The following GOT1L1 variants were observed in gnomAD, a reference collection of about 807,000 sequenced individuals.
The protein encoded by GOT1L1 is glutamic-oxaloacetic transaminase 1 like 1.
GOT1L1 carries 38 observed loss-of-function variants against 43.6 expected under a neutral mutation model. That is an observed-to-expected ratio of 0.87 (90% confidence interval 0.67 to 1.14). GOT1L1 has a LOEUF of 1.14. Among genes scored for constraint, GOT1L1 ranks in the 50% most tolerant of loss-of-function variants. The pLI is 0.00. For missense variants in GOT1L1, 482 were observed against 504.0 expected, an observed-to-expected ratio of 0.96 and a Z score of 0.42; for synonymous variants, 183 against 187.2, an observed-to-expected ratio of 0.98 and a Z score of 0.18.
intron 1 of GOT1L1, 164 bp from the exon 2 acceptor site, chr8:37,939,045 A>G (rs1305928017): frequency 1.6e-6 from 1 of 620,744 alleles, no homozygotes; most frequent in Admixed American, 2.7e-5. Flanking sequence ...GATGAAAAGA[A>G]TATGCTGTTA....
chr8:37,935,300 C>T (rs1468040236), intron 7 of GOT1L1, 85 bp from the exon 8 acceptor site: 1 of 1,309,342 alleles, frequency 7.6e-7, no homozygotes, highest in South Asian at 1.5e-5. Flanking sequence ...CTCTTCTTAC[C>T]TTCAAAGGTC....
At position 37,937,063 on chromosome 8, in the gene GOT1L1, G is replaced by C. The variant is rs1355551790; in HGVS notation, c.520-6C>G. On this transcript the variant is annotated splice_region_variant and splice_polypyrimidine_tract_variant and intron_variant, in intron 4 of 8. Coordinates refer to ENST00000307599, the MANE Select transcript of GOT1L1 (RefSeq NM_152413.3). ...ACACAGCCATGTGGGATCTGCTGCA[G>C]GTACAGACGGTCTCATCAGGCTTCA... 2 of 1,612,916 alleles carry C rather than the reference G, an allele frequency of 1.2e-6. No homozygotes were observed. Among genetic ancestry groups the C allele is most frequent in the Non-Finnish European group, 1.7e-6 (2 of 1,179,428 alleles).
chr8:37,937,966 G>A (rs1001292831), intron 2 of GOT1L1, among the ~76,000 whole-genome samples: 17 of 152,138 alleles, frequency 1.1e-4, no homozygotes, highest in African/African-American at 1.7e-4. Context: ...ACTTGAACCC[G>A]GAAGGCGGAA....
chr8:37,936,600 A>T (rs1807762881), intron 6 of GOT1L1, 120 bp downstream of exon 6: 2 of 865,526 alleles, frequency 2.3e-6, no homozygotes, highest in Non-Finnish European at 3.6e-6. Context: ...TTCTGCTTCT[A>T]TAGTGCTCTC....
chr8:37,935,251 G>A (rs757094102), intron 7 of GOT1L1, 36 bp from the exon 8 acceptor site: 2 of 1,548,102 alleles, frequency 1.3e-6, no homozygotes, highest in East Asian at 4.8e-5. Context: ...GAGGGTGTGA[G>A]GTCCCCCTTG....
At position 37,939,429 on chromosome 8, in the gene GOT1L1, AAAATATATATATAT is replaced by A. The variant is rs1481181961; in HGVS notation, c.115+472_115+485del. On this transcript the variant is annotated intron_variant, in intron 1 of 8. Transcript: ENST00000307599. ...GCCCTGTCTCAAGAAAAAAAAAAAA[AAAATATATATATAT>A]ATATATATATATATATATATATATA... Among the ~76,000 whole-genome samples the A allele has an allele frequency of 7.2e-4, 38 of 52,758 alleles. 1 individual carries two copies. The Middle Eastern group carries it at 0.02, about 28-fold the overall frequency. 34.6% of individuals were successfully genotyped at this position (52,758 alleles called of 152,430 possible).
At chr8:37,939,661 C>T (rs1362186401) in intron 1 of GOT1L1, among the ~76,000 whole-genome samples, 4 of 151,490 alleles carry the variant, frequency 2.6e-5, no homozygotes, top group African/African-American at 7.3e-5. Flanking sequence ...CATGCAGGCC[C>T]CCAAGCATAG....
At chr8:37,936,481 T>C (rs1807758921) in intron 6 of GOT1L1, among the ~76,000 whole-genome samples, 1 of 151,954 alleles carries the variant, frequency 6.6e-6, no homozygotes, top group Admixed American at 6.6e-5. Context: ...TCTCATCTTA[T>C]AGTTGAGGAA....
At chr8:37,939,769 C>T in intron 1 of GOT1L1, 146 bp downstream of exon 1, 2 of 739,646 alleles carry the variant, frequency 2.7e-6, no homozygotes, top group South Asian at 3.7e-5. Flanking sequence ...GCACTTTTCC[C>T]CACTGGGTAA....
Position 37,935,100 on chromosome 8 carries a change from C to A in GOT1L1, c.1045G>T (p.Gly349Trp), listed in dbSNP as rs776115194. ...TTGAGTCCAAGATAGCCGTGGGTCC[C>A]ACTCTGCTCGGTGATGTGACCCCAG... is the stretch of plus-strand genomic sequence containing the variant. Reference protein sequence around the residue: ...GSWGHITEQSGTHGYLGLNSQ... With the variant: ...GSWGHITEQSWTHGYLGLNSQ... Residue 349 changes from glycine to tryptophan, a missense_variant, in exon 8 of 9, where the codon GGG becomes TGG. Physicochemically the swap from Gly to Trp is radical, Grantham distance 184. Transcript: ENST00000307599. 3 of 1,613,616 alleles carry A rather than the reference C, an allele frequency of 1.9e-6. No individual in the cohort carries two copies. The highest frequency in any genetic ancestry group is 2.7e-5 in the African/African-American group (2 of 74,910).
chr8:37,939,431 A>AAAAAAATATATAT (rs1237987679), intron 1 of GOT1L1, among the ~76,000 whole-genome samples: 1 of 41,712 alleles, frequency 2.4e-5, no homozygotes, highest in African/African-American at 8.6e-5. Context: ...AAAAAAAAAA[A>AAAAAAATATATAT]ATATATATAT....
Position 37,940,008 on chromosome 8 carries a change from T to G in GOT1L1, c.22A>C (p.Met8Leu). Reference sequence around the variant, plus strand: ...AGCTTGTGGGCGAGGGGCACATCCATGAACACTGAAAGGGTGGGCATAACT... The same window carrying G: ...AGCTTGTGGGCGAGGGGCACATCCAGGAACACTGAAAGGGTGGGCATAACT... The part of the protein sequence containing the change: MPTLSVF[M>L]DVPLAHKLEG... Residue 8 changes from methionine (M) to leucine (L), a missense_variant, in exon 1 of 9, where the codon ATG becomes CTG. By Grantham distance (15) the Met-to-Leu change is conservative (BLOSUM62 2). Transcript: ENST00000307599. 1 of 1,613,436 alleles carries G rather than the reference T, an allele frequency of 6.2e-7. No homozygotes were observed. Among genetic ancestry groups the G allele is most frequent in the Non-Finnish European group, 8.5e-7 (1 of 1,179,580 alleles).
At position 37,936,884 on chromosome 8, in the gene GOT1L1, G is replaced by A. The variant is rs778886719; in HGVS notation, c.613-14C>T. 3.7e-6 allele frequency: 6 copies of A among 1,611,580 alleles called. No homozygotes were observed. Among genetic ancestry groups the A allele is most frequent in the South Asian group, 1.1e-5 (1 of 90,976 alleles). ...TATCTGCTTGCTCTGTAGGAGAAAG[G>A]AGAACAAAAAAAGAATGAGACAGAT... is the stretch of plus-strand genomic sequence containing the variant. On this transcript the variant is annotated splice_polypyrimidine_tract_variant and intron_variant, in intron 5 of 8. Transcript: ENST00000307599.
rs764630728 is a variant in GOT1L1 at position 37,938,855 on chromosome 8, A to G, written c.142T>C (p.Trp48Arg). 6.2e-6 allele frequency: 10 copies of G among 1,613,694 alleles called. No individual in the cohort carries two copies. In the Admixed American group the frequency reaches 8.3e-5, roughly 13 times the overall value. Reference protein sequence around the residue: ...RVCMTNEGHPWVSLVVQKTRL... With the variant: ...RVCMTNEGHPRVSLVVQKTRL... ...GTCTTCTGCACCACGAGAGAAACCC[A>G]GGGATGGCCTTCATTTGTCATGCAG... The change falls in exon 2 of 9, where the codon TGG (tryptophan) becomes CGG (arginine). Residue 48 changes from tryptophan to arginine, a missense_variant. Trp to Arg is a moderately radical substitution (Grantham distance 101). Transcript: ENST00000307599.
Position 37,936,792 on chromosome 8 carries a change from A to T in GOT1L1, c.691T>A (p.Leu231Ile). The T allele has an allele frequency of 1.2e-6, 2 of 1,613,204 alleles. No homozygotes were observed. The highest frequency in any genetic ancestry group is 1.7e-6 in the Non-Finnish European group (2 of 1,179,204). The change falls in exon 6 of 9, where the codon TTA becomes ATA. Residue 231 changes from leucine (L) to isoleucine (I), a missense_variant. Leu to Ile is a conservative substitution (Grantham distance 5). Coordinates refer to ENST00000307599, the MANE Select transcript of GOT1L1 (RefSeq NM_152413.3). The stretch of plus-strand genomic sequence containing the variant: ...AAGCCTTGAGACACAAAGTATTGTA[A>T]GATTCTAGTATCTTCTTCCAAGTCA... ...TSDLEEDTRI[L>I]QYFVSQGFEF...
chr8:37,939,457 T>A lies in GOT1L1; in HGVS notation c.115+458A>T, dbSNP rs1288306216. 4.9e-4 allele frequency among the ~76,000 whole-genome samples: 52 copies of A among 105,368 alleles called. 1 individual carries two copies. The highest frequency in any genetic ancestry group is 9.8e-4 in the African/African-American group (25 of 25,592). 69.1% of individuals were successfully genotyped at this position (105,368 alleles called of 152,430 possible). A position where few individuals can be genotyped will look rare whatever the true frequency, so the allele number is the denominator to read the frequency against. On this transcript the variant is annotated intron_variant, in intron 1 of 8. Transcript: ENST00000307599. ...ATATATATATATATATATATATATA[T>A]ATATATATATATATATGCAAAATGA...
intron 2 of GOT1L1, among the ~76,000 whole-genome samples, chr8:37,938,233 C>T (rs1807818751): frequency 1.3e-5 from 2 of 151,998 alleles, no homozygotes; most frequent in African/African-American, 4.8e-5. Flanking sequence ...CCTGTCTCTA[C>T]AAAAAATACA....
chr8:37,936,262 TC>T (rs1384047308), intron 6 of GOT1L1, among the ~76,000 whole-genome samples: 1 of 152,066 alleles, frequency 6.6e-6, no homozygotes, highest in Non-Finnish European at 1.5e-5. Context: ...TCCTCCTGCC[TC>T]AGCCCCCCGG....
rs1251347984 is a variant in GOT1L1, at chr8:37,937,288, T to A, written c.508A>T (p.Asn170Tyr). Residue 170 changes from asparagine (N) to tyrosine (Y), a missense_variant, in exon 4 of 9, where the codon AAT becomes TAT. Physicochemically the swap from Asn to Tyr is moderately radical, Grantham distance 143. Coordinates refer to ENST00000307599, the MANE Select transcript of GOT1L1 (RefSeq NM_152413.3). ...CGGGGCCCCTCTACCTCCACCACATTGAGGAGTATGTCGGGGTCCATGCAT... is the reference window on the plus strand; with the variant it reads ...CGGGGCCCCTCTACCTCCACCACATAGAGGAGTATGTCGGGGTCCATGCAT... ...KLCMDPDILL[N>Y]VVEQIPHGCV... is the part of the protein sequence containing the mutation. The A allele has an allele frequency of 6.3e-7, 1 of 1,597,640 alleles. No homozygotes were observed. The highest frequency in any genetic ancestry group is 1.1e-5 in the South Asian group (1 of 88,110).
Sources: gnomAD v4.1 joint callset for allele counts (sites outside exome capture counted in the v4.1 genomes callset) on GRCh38, gnomAD v4.1.1 for gene constraint, MANE v1.5 for transcripts, NCBI Gene and HGNC (gene_info 2026-07-23, HGNC 2026-07-21) for gene names.